Variants in SLC6A13 observed in about 807,000 individuals in gnomAD.
SLC6A13 encodes the protein sodium- and chloride-dependent GABA transporter 2.
SLC6A13 carries 69 observed loss-of-function variants against 72.9 expected under a neutral mutation model. That is an observed-to-expected ratio of 0.95 (90% CI 0.78 to 1.16). The LOEUF is 1.16. SLC6A13 is among the 50% of genes most tolerant of loss of function. The pLI, the probability that SLC6A13 is intolerant of heterozygous loss-of-function variation, is 0.00. For synonymous variants in SLC6A13, 303 were observed against 303.0 expected (o/e 1.00, Z 0.00); for missense variants, 735 against 760.5 (o/e 0.97, Z 0.39).
intron 2 of SLC6A13, among the ~76,000 whole-genome samples, chr12:257,654 G>C (rs532019506): frequency 5.3e-5 from 8 of 152,192 alleles, no homozygotes; most frequent in African/African-American, 1.9e-4. Flanking sequence ...TGGGTACTCT[G>C]CGTTCCCACA....
At chr12:247,233 A>C (rs1209838584) in intron 2 of SLC6A13, among the ~76,000 whole-genome samples, 1 of 151,926 alleles carries the variant, frequency 6.6e-6, no homozygotes, top group African/African-American at 2.4e-5. Flanking sequence ...TTCAACAAAC[A>C]CCAAGATTAA....
chr12:241,208 G>A (rs956743311), intron 4 of SLC6A13, among the ~76,000 whole-genome samples: 3 of 152,192 alleles, frequency 2.0e-5, no homozygotes, highest in Non-Finnish European at 4.4e-5. Flanking sequence ...GGAGGCTGAA[G>A]CAGAGAATTG....
intron 7 of SLC6A13, among the ~76,000 whole-genome samples, chr12:233,151 G>A (rs1377880087): frequency 6.6e-6 from 1 of 152,228 alleles, no homozygotes; most frequent in Non-Finnish European, 1.5e-5. Context: ...ACAAGAGGAG[G>A]AGCTCTAGGT....
At position 237,981 on chromosome 12, in the gene SLC6A13, C is replaced by T. The variant is rs188127450; in HGVS notation, c.508G>A (p.Gly170Ser). 6.2e-4 allele frequency: 995 copies of T among 1,613,980 alleles called. 6 individuals carry two copies. In the Admixed American group the frequency reaches 0.012, roughly 20 times the overall value. The change falls in exon 5 of 15, where the codon GGC (glycine) becomes AGC (serine). Residue 170 changes from glycine to serine, a missense_variant. By Grantham distance (56) the Gly-to-Ser change is moderately conservative. Transcript: ENST00000343164. The part of the protein sequence containing the change: ...EHCMEFQKTN[G>S]SLNGTSENAT... ...TTCTCAGAGGTACCATTCAGGGAGC[C>T]GTTGGTCTTCTGGAACTCCATACAG...
intron 8 of SLC6A13, among the ~76,000 whole-genome samples, chr12:227,131 G>C (rs890782955): frequency 2.0e-5 from 3 of 152,178 alleles, no homozygotes; most frequent in Admixed American, 6.5e-5. Flanking sequence ...GTGCACAGTA[G>C]GACCTCACTT....
At chr12:232,410 TC>T (rs1268463031) in intron 7 of SLC6A13, among the ~76,000 whole-genome samples, 1 of 151,924 alleles carries the variant, frequency 6.6e-6, no homozygotes, top group Non-Finnish European at 1.5e-5. Context: ...CCACTCAGCT[TC>T]CCCCTACAAC....
chr12:221,288 G>A (rs988497403), intron 14 of SLC6A13, 88 bp downstream of exon 14: 23 of 1,403,272 alleles, frequency 1.6e-5, no homozygotes, highest in East Asian at 7.5e-5. Context: ...TCCACACAAC[G>A]GTGTGCGCCC....
intron 2 of SLC6A13, among the ~76,000 whole-genome samples, chr12:244,345 T>A (rs1174738821): frequency 6.6e-6 from 1 of 152,230 alleles, no homozygotes; most frequent in Non-Finnish European, 1.5e-5. Flanking sequence ...ATGAGGGCTC[T>A]GCCCTCATGA....
intron 9 of SLC6A13, among the ~76,000 whole-genome samples, chr12:224,775 T>C (rs1941370409): frequency 6.6e-6 from 1 of 151,822 alleles, no homozygotes; most frequent in Non-Finnish European, 1.5e-5. Flanking sequence ...GCTGTGGGTC[T>C]AAAACGACTC....
intron 2 of SLC6A13, among the ~76,000 whole-genome samples, chr12:248,121 G>A (rs1230945014): frequency 6.6e-6 from 1 of 152,032 alleles, no homozygotes; most frequent in Non-Finnish European, 1.5e-5. Flanking sequence ...CTAATTACAT[G>A]GATAATCGTA....
chr12:228,453 C>T (rs531170777), intron 7 of SLC6A13, among the ~76,000 whole-genome samples: 19 of 152,202 alleles, frequency 1.2e-4, no homozygotes, highest in South Asian at 8.3e-4. Flanking sequence ...CCGCTATGGA[C>T]GCAGACATCC....
chr12:234,906 G>A (rs887486444), intron 7 of SLC6A13, among the ~76,000 whole-genome samples, 184 bp downstream of exon 7: 6 of 152,200 alleles, frequency 3.9e-5, no homozygotes, highest in Non-Finnish European at 7.3e-5. Flanking sequence ...CTCTCTTGGG[G>A]TCTGGATTGA....
At chr12:232,401 C>G (rs1941747063) in intron 7 of SLC6A13, among the ~76,000 whole-genome samples, 1 of 152,236 alleles carries the variant, frequency 6.6e-6, no homozygotes, top group East Asian at 1.9e-4. Context: ...GCCTCCCCTC[C>G]ACTCAGCTTC....
intron 3 of SLC6A13, 110 bp downstream of exon 3, chr12:243,569 C>T: frequency 9.1e-7 from 1 of 1,098,684 alleles, no homozygotes; most frequent in Non-Finnish European, 1.3e-6. Flanking sequence ...AGCATAGAGA[C>T]TCGGGATCTT....
intron 2 of SLC6A13, among the ~76,000 whole-genome samples, chr12:246,878 C>T (rs1229066238): frequency 6.6e-6 from 1 of 151,746 alleles, no homozygotes; most frequent in East Asian, 1.9e-4. Context: ...TGTGGTGGTG[C>T]ATGCCTGTAA....
At chr12:242,172 G>A (rs895169697) in intron 4 of SLC6A13, among the ~76,000 whole-genome samples, 3 of 152,150 alleles carry the variant, frequency 2.0e-5, no homozygotes, top group African/African-American at 4.8e-5. Flanking sequence ...GTGGACCCTT[G>A]AGCAACATGG....
At chr12:259,612 G>A in intron 2 of SLC6A13, 1 of 1,419,252 alleles carries the variant, frequency 7.0e-7, no homozygotes, top group Non-Finnish European at 9.2e-7. Flanking sequence ...TCATCCACCT[G>A]GTTCCAGCTT....
intron 7 of SLC6A13, among the ~76,000 whole-genome samples, chr12:228,239 A>G (rs1010100638): frequency 6.6e-6 from 1 of 152,194 alleles, no homozygotes; most frequent in African/African-American, 2.4e-5. Flanking sequence ...ATCACAGTCC[A>G]GCTAAACATA....
chr12:255,448 C>A (rs1471546575), intron 2 of SLC6A13, among the ~76,000 whole-genome samples: 1 of 152,202 alleles, frequency 6.6e-6, no homozygotes, highest in Non-Finnish European at 1.5e-5. Context: ...GTAATCCCAG[C>A]ACTTTGGGAG....
Sources: gnomAD v4.1 joint callset for allele counts (sites outside exome capture counted in the v4.1 genomes callset) on GRCh38, gnomAD v4.1.1 for gene constraint, MANE v1.5 for transcripts, NCBI Gene and HGNC (gene_info 2026-07-23, HGNC 2026-07-21) for gene names.